The following OR51G2 variants were observed in gnomAD, a reference collection of about 807,000 sequenced individuals.
OR51G2 encodes olfactory receptor family 51 subfamily G member 2.
A neutral mutation model predicts 11.8 loss-of-function variants in OR51G2; 13 were observed. The ratio of observed to expected loss-of-function variants is 1.10; its 90% CI spans 0.72 to 1.76. The LOEUF is 1.76. Ranked by LOEUF, OR51G2 falls within the 40% of genes most tolerant of loss-of-function variation. OR51G2 has a pLI of 0.00. For synonymous variants in OR51G2, 178 were observed against 151.9 expected (o/e 1.17, Z -1.26); for missense variants, 474 against 394.4 (o/e 1.20, Z -1.71).
chr11:4,916,310 C>T (rs889989100), intron 1 of OR51G2, among the ~76,000 whole-genome samples: 3 of 152,198 alleles, frequency 2.0e-5, no homozygotes, highest in Admixed American at 2.0e-4. Context: ...TCCTTGCTCT[C>T]TGCTCCTTCA....
rs146466233 is a variant in OR51G2, at chr11:4,915,381, G to A, written c.283C>T (p.Arg95Ter). ...AAGCAGGCATCATGGCTAATTTCTC[G>A]TGCTCCAACCCAAAAGATGCCCAGG... ...TVLGIFWVGA[R>*]EISHDACFAQ... The change falls in exon 2 of 2, where the codon CGA becomes TGA. Residue 95 changes from arginine (R) to a stop codon, truncating the protein, a stop_gained. Transcript: ENST00000641926. LOFTEE classifies it high-confidence loss of function. The A allele has an allele frequency of 4.8e-5, 78 of 1,613,878 alleles. No homozygotes were observed. The highest frequency in any genetic ancestry group is 3.6e-4 in the South Asian group (33 of 91,060).
At chr11:4,917,280 T>G (rs1453188317) in intron 1 of OR51G2, among the ~76,000 whole-genome samples, 1 of 152,166 alleles carries the variant, frequency 6.6e-6, no homozygotes, top group Admixed American at 6.5e-5. Flanking sequence ...AACAGAAGCT[T>G]AGAAAAAATT....
chr11:4,915,490 G>A lies in OR51G2; in HGVS notation c.174C>T (p.Arg58=). The change falls in exon 2 of 2, where the codon CGC becomes CGT. Residue 58 remains arginine (R), a synonymous_variant. Transcript: ENST00000641926. The part of the protein sequence containing the change: ...CTILFIIKTE[R]SLHEPMYLFL... ...AGAGATACATAGGTTCATGAAGTGA[G>A]CGCTCTGTTTTAATGATAAAAAGAA... 1.9e-6 allele frequency: 3 copies of A among 1,614,134 alleles called. No individual in the cohort carries two copies. The highest frequency in any genetic ancestry group is 2.5e-6 in the Non-Finnish European group (3 of 1,180,024).
rs1443879322 is a variant in OR51G2, at chr11:4,915,035, G to A, written c.629C>T (p.Ser210Phe). The change falls in exon 2 of 2, where the codon TCT (serine) becomes TTT (phenylalanine). Residue 210 changes from serine (S) to phenylalanine (F), a missense_variant. Transcript: ENST00000641926. ...NSIYGMFVIVSTVGIDSLLIL... is the reference protein window; with the variant it reads ...NSIYGMFVIVFTVGIDSLLIL... ...GAGCAGTGAGTCTATACCCACTGTA[G>A]AGACGATGACAAACATGCCGTAGAT... is the stretch of plus-strand genomic sequence containing the variant. 6.2e-7 allele frequency: 1 copy of A among 1,614,006 alleles called. No homozygotes were observed. Among genetic ancestry groups the A allele is most frequent in the East Asian group, 2.2e-5 (1 of 44,854 alleles).
Position 4,915,084 on chromosome 11 carries a change from A to G in OR51G2, c.580T>C (p.Cys194Arg). The G allele has an allele frequency of 6.2e-7, 1 of 1,614,122 alleles. No individual in the cohort carries two copies. Among genetic ancestry groups the G allele is most frequent in the Non-Finnish European group, 8.5e-7 (1 of 1,180,020 alleles). Residue 194 changes from cysteine (C) to arginine (R), a missense_variant, in exon 2 of 2, where the codon TGT becomes CGT. Physicochemically the swap from Cys to Arg is radical, Grantham distance 180. Coordinates refer to ENST00000641926, the MANE Select transcript of OR51G2 (RefSeq NM_001005238.2). ...ATGCTGTTGGCCTTCATGTCGGCAC[A>G]GGCCAATTTCATCACTTCTTGGTGG... Reference protein sequence around the residue: ...CLHQEVMKLACADMKANSIYG... With the variant: ...CLHQEVMKLARADMKANSIYG...
chr11:4,918,717 C>T (rs78070179), intron 1 of OR51G2, among the ~76,000 whole-genome samples: 1,600 of 152,224 alleles, frequency 0.011, 14 homozygotes, highest in Middle Eastern at 0.031. Context: ...CGTTTCTGCC[C>T]TCAAGTTGTT....
intron 1 of OR51G2, among the ~76,000 whole-genome samples, chr11:4,918,882 C>T (rs1174941750): frequency 2.0e-5 from 3 of 152,192 alleles, no homozygotes; most frequent in African/African-American, 4.8e-5. Context: ...CTATCCATCT[C>T]CTTGTTTCTT....
At chr11:4,916,895 G>A (rs1254210027) in intron 1 of OR51G2, among the ~76,000 whole-genome samples, 1 of 152,168 alleles carries the variant, frequency 6.6e-6, no homozygotes. Flanking sequence ...ATGTCCAGGA[G>A]AGCCCACTGA....
At chr11:4,915,967 C>T (rs1251097326) in intron 1 of OR51G2, among the ~76,000 whole-genome samples, 3 of 152,132 alleles carry the variant, frequency 2.0e-5, no homozygotes, top group African/African-American at 7.2e-5. Context: ...TCTTTTCTGA[C>T]TTCTGTATCA....
rs779563573 is a variant in OR51G2 at position 4,915,047 on chromosome 11, A to T, written c.617T>A (p.Phe206Tyr). The T allele has an allele frequency of 1.9e-6, 3 of 1,614,086 alleles. No individual in the cohort carries two copies. The highest frequency in any genetic ancestry group is 1.7e-6 in the Non-Finnish European group (2 of 1,180,008). Residue 206 changes from phenylalanine (F) to tyrosine (Y), a missense_variant, in exon 2 of 2, where the codon TTT becomes TAT. Coordinates refer to ENST00000641926, the MANE Select transcript of OR51G2 (RefSeq NM_001005238.2). ...DMKANSIYGM[F>Y]VIVSTVGIDS... ...TATACCCACTGTAGAGACGATGACA[A>T]ACATGCCGTAGATGCTGTTGGCCTT...
At position 4,915,727 on chromosome 11, in the gene OR51G2, C is replaced by T; in HGVS notation, c.-64G>A. 3 of 1,068,710 alleles carry T rather than the reference C, an allele frequency of 2.8e-6. No homozygotes were observed. The highest frequency in any genetic ancestry group is 1.4e-6 in the Non-Finnish European group (1 of 724,896). The allele number at this position is 1,068,710 out of a possible 1,614,324, so 66.2% of individuals were successfully genotyped here. ...AATCCTGAAGTAAATTGAGGCAGTA[C>T]TGGTGATTGCACCTGGTGGAAATTA... On this transcript the variant is annotated 5_prime_UTR_variant, in exon 2 of 2. Transcript: ENST00000641926.
Position 4,914,576 on chromosome 11 carries a change from G to C in OR51G2, c.*143C>G, listed in dbSNP as rs1851044441. 6.4e-6 allele frequency: 4 copies of C among 624,624 alleles called. No individual in the cohort carries two copies. Among genetic ancestry groups the C allele is most frequent in the Non-Finnish European group, 1.1e-5 (4 of 357,818 alleles). The allele number at this position is 624,624 out of a possible 1,614,324, so 38.7% of individuals were successfully genotyped here. A position where few individuals can be genotyped will look rare whatever the true frequency, so the allele number is the denominator to read the frequency against. ...CCTGCCCTGGCCACAACAGAGTGAG[G>C]GTTCTGTAAGGACTGTAACTCATCC... On this transcript the variant is annotated 3_prime_UTR_variant, in exon 2 of 2. Transcript: ENST00000641926.
Position 4,915,522 on chromosome 11 carries a change from A to T in OR51G2, c.142T>A (p.Cys48Ser). 6.2e-7 allele frequency: 1 copy of T among 1,614,168 alleles called. No homozygotes were observed. Among genetic ancestry groups the T allele is most frequent in the Non-Finnish European group, 8.5e-7 (1 of 1,180,020 alleles). ...FMYLVSIPGN[C>S]TILFIIKTER... ...GTTTTAATGATAAAAAGAATTGTGC[A>T]GTTGCCCGGGATGGAAACCAGATAC... The change falls in exon 2 of 2, where the codon TGC becomes AGC. Residue 48 changes from cysteine to serine, a missense_variant. By Grantham distance (112) the Cys-to-Ser change is moderately radical. Transcript: ENST00000641926.
chr11:4,914,547 C>CG lies in OR51G2; in HGVS notation c.*171_*172insC, dbSNP rs1851043492. 1.8e-6 allele frequency: 1 copy of CG among 549,162 alleles called. No homozygotes were observed. Among genetic ancestry groups the CG allele is most frequent in the South Asian group, 3.0e-5 (1 of 33,714 alleles). 34.0% of individuals were successfully genotyped at this position (549,162 alleles called of 1,614,324 possible). ...TTACCACATCATATTACATTTTACC[C>CG]CCCCCTGCCCTGGCCACAACAGAGT... On this transcript the variant is annotated 3_prime_UTR_variant, in exon 2 of 2. Transcript: ENST00000641926.
Position 4,914,850 on chromosome 11 carries a change from G to C in OR51G2, c.814C>G (p.Gln272Glu). 6.2e-7 allele frequency: 1 copy of C among 1,614,054 alleles called. No individual in the cohort carries two copies. Among genetic ancestry groups the C allele is most frequent in the Non-Finnish European group, 8.5e-7 (1 of 1,179,994 alleles). The change falls in exon 2 of 2, where the codon CAG (glutamine) becomes GAG (glutamate). Residue 272 changes from glutamine (Q) to glutamate (E), a missense_variant. By Grantham distance (29) the Gln-to-Glu change is conservative (BLOSUM62 2). Coordinates refer to ENST00000641926, the MANE Select transcript of OR51G2 (RefSeq NM_001005238.2). The part of the protein sequence containing the change: ...GLSVIHRFGK[Q>E]APHLVQVVMG... ...ACCACCTGGACCAGGTGGGGTGCCTGCTTTCCAAAGCGATGGATGACAGAG... is the reference window on the plus strand; with the variant it reads ...ACCACCTGGACCAGGTGGGGTGCCTCCTTTCCAAAGCGATGGATGACAGAG...
chr11:4,915,627 C>T lies in OR51G2; in HGVS notation c.37G>A (p.Val13Ile), dbSNP rs750568250. The change falls in exon 2 of 2, where the codon GTT (valine) becomes ATT (isoleucine). Residue 13 changes from valine to isoleucine, a missense_variant. Coordinates refer to ENST00000641926, the MANE Select transcript of OR51G2 (RefSeq NM_001005238.2). ...LGSLGNSSSS[V>I]SATFLLSGIP... The stretch of plus-strand genomic sequence containing the variant: ...CCACTCAGCAGGAAGGTAGCAGAAA[C>T]GCTGCTGCTGCTGTTTCCCAGGGAT... The T allele has an allele frequency of 2.3e-5, 37 of 1,613,458 alleles. No individual in the cohort carries two copies. Among genetic ancestry groups the T allele is most frequent in the Middle Eastern group, 1.6e-4 (1 of 6,076 alleles).
At chr11:4,916,917 T>C (rs1851102688) in intron 1 of OR51G2, among the ~76,000 whole-genome samples, 1 of 152,112 alleles carries the variant, frequency 6.6e-6, no homozygotes, top group Non-Finnish European at 1.5e-5. Flanking sequence ...CACAGGGCAG[T>C]GATGCTGGAA....
Position 4,914,981 on chromosome 11 carries a change from C to A in OR51G2, c.683G>T (p.Arg228Leu), listed in dbSNP as rs760144153. Residue 228 changes from arginine (R) to leucine (L), a missense_variant, in exon 2 of 2, where the codon CGC becomes CTC. Arg to Leu is a moderately radical substitution (Grantham distance 102). Coordinates refer to ENST00000641926, the MANE Select transcript of OR51G2 (RefSeq NM_001005238.2). The part of the protein sequence containing the change: ...LILFSYALIL[R>L]TVLSIASRAE... ...CCTGGAGGCGATGGACAGCACGGTG[C>A]GCAGGATCAGAGCATAAGAGAAGAG... 6 of 1,613,916 alleles carry A rather than the reference C, an allele frequency of 3.7e-6. No homozygotes were observed. Among genetic ancestry groups the A allele is most frequent in the South Asian group, 2.2e-5 (2 of 91,074 alleles).
rs189100909 is a variant in OR51G2 at position 4,916,123 on chromosome 11, C to A, written c.-76-384G>T. On this transcript the variant is annotated intron_variant, in intron 1 of 1. Coordinates refer to ENST00000641926, the MANE Select transcript of OR51G2 (RefSeq NM_001005238.2). ...CATGAGGTCAGGAGGTTGAGACCAT[C>A]CTGGCTAACACAGTGAAACCCAGTC... Among the ~76,000 whole-genome samples, 238 of 151,428 alleles carry A rather than the reference C, an allele frequency of 1.6e-3. 6 individuals carry two copies. The highest frequency in any genetic ancestry group is 0.015 in the Admixed American group (230 of 15,184).
Sources: gnomAD v4.1 joint callset for allele counts (sites outside exome capture counted in the v4.1 genomes callset) on GRCh38, gnomAD v4.1.1 for gene constraint, MANE v1.5 for transcripts, NCBI Gene and HGNC (gene_info 2026-07-23, HGNC 2026-07-21) for gene names.